Variants in CLTCL1 observed in about 807,000 individuals in gnomAD.
The protein encoded by CLTCL1 is clathrin heavy chain 2.
A neutral mutation model predicts 190.0 loss-of-function variants in CLTCL1; 159 were observed. That is an observed-to-expected ratio of 0.84 (90% CI 0.74 to 0.95). The LOEUF (loss-of-function observed/expected upper bound fraction) is 0.95, where lower values mean the gene tolerates loss of function less well. Ranked by LOEUF, CLTCL1 falls within the 40% of genes least tolerant of loss-of-function variation. CLTCL1 has a pLI of 0.00. For missense variants in CLTCL1, 1,878 were observed against 2,033.4 expected (o/e 0.92, Z 1.47); for synonymous variants, 752 against 769.6 (o/e 0.98, Z 0.38).
At chr22:19,272,403 C>T (rs566472804) in intron 2 of CLTCL1, among the ~76,000 whole-genome samples, 2 of 152,260 alleles carry the variant, frequency 1.3e-5, no homozygotes, top group East Asian at 1.9e-4. Flanking sequence ...TGGGAGTTCA[C>T]GGCCAGGCAT....
rs2086465206 is a variant in CLTCL1, at chr22:19,247,753, G to GTTTCAC, written c.520-4823_520-4818dup. Among the ~76,000 whole-genome samples the GTTTCAC allele has an allele frequency of 1.3e-5, 2 of 152,036 alleles. 1 individual carries two copies. The highest frequency in any genetic ancestry group is 4.2e-4 in the South Asian group (2 of 4,814). On this transcript the variant is annotated intron_variant, in intron 3 of 32. Coordinates refer to ENST00000427926, the MANE Select transcript of CLTCL1 (RefSeq NM_007098.4). ...TTTTTGTATTTTTAGTAAAGACGGG[G>GTTTCAC]TTTCACCACATTGGCCAGGCTGGTC...
At chr22:19,196,794 A>G (rs2084724528) in intron 24 of CLTCL1, 138 bp from the exon 25 acceptor site, 1 of 919,886 alleles carries the variant, frequency 1.1e-6, no homozygotes, top group Non-Finnish European at 1.6e-6. Flanking sequence ...GAAAACGTGT[A>G]TACATACTGT....
intron 1 of CLTCL1, among the ~76,000 whole-genome samples, chr22:19,282,854 TTTTCTTTC>T (rs374292764): frequency 6.6e-6 from 1 of 151,480 alleles, no homozygotes; most frequent in African/African-American, 2.4e-5. Flanking sequence ...AAGCCAGGTT[TTTTCTTTC>T]TTTCTTTCCT....
intron 9 of CLTCL1, 83 bp downstream of exon 9, chr22:19,233,083 G>T: frequency 7.1e-7 from 1 of 1,416,436 alleles, no homozygotes. Flanking sequence ...TACAAAGAAG[G>T]GTATTTTATA....
At chr22:19,270,033 A>G (rs1555979811) in intron 2 of CLTCL1, among the ~76,000 whole-genome samples, 1 of 152,206 alleles carries the variant, frequency 6.6e-6, no homozygotes, top group South Asian at 2.1e-4. Flanking sequence ...TGATAGCAGC[A>G]ATATTCTTAA....
chr22:19,285,510 G>A (rs2087875848), intron 1 of CLTCL1, among the ~76,000 whole-genome samples: 1 of 152,104 alleles, frequency 6.6e-6, no homozygotes, highest in Non-Finnish European at 1.5e-5. Flanking sequence ...CAGTGCACAA[G>A]ACTCTATATT....
intron 18 of CLTCL1, among the ~76,000 whole-genome samples, chr22:19,217,462 A>G (rs2145718478): frequency 6.6e-6 from 1 of 152,080 alleles, no homozygotes; most frequent in South Asian, 2.1e-4. Context: ...TAAAAATACA[A>G]AAAAGTAGCC....
At chr22:19,190,569 C>G (rs1253338545) in intron 27 of CLTCL1, among the ~76,000 whole-genome samples, 1 of 140,626 alleles carries the variant, frequency 7.1e-6, no homozygotes, top group East Asian at 2.1e-4. Flanking sequence ...ACTGCACTCC[C>G]ACCTGGGCAA....
At chr22:19,216,679 C>T (rs1266291749) in intron 18 of CLTCL1, among the ~76,000 whole-genome samples, 3 of 152,190 alleles carry the variant, frequency 2.0e-5, no homozygotes, top group Non-Finnish European at 4.4e-5. Context: ...AGCTGTGGAG[C>T]CACGTGCCTT....
At chr22:19,193,427 G>C (rs949053382) in intron 26 of CLTCL1, among the ~76,000 whole-genome samples, 1 of 152,120 alleles carries the variant, frequency 6.6e-6, no homozygotes, top group African/African-American at 2.4e-5. Context: ...CCTCTGGAGC[G>C]TCCTCCAGAT....
chr22:19,216,183 G>A lies in CLTCL1; in HGVS notation c.2993C>T (p.Ala998Val). Reference sequence around the variant, plus strand: ...TTCAATCAGTTCATTAGGCAGGTCGGCTGTCATAAAGGCTTTGACAGTGAC... The same window carrying A: ...TTCAATCAGTTCATTAGGCAGGTCGACTGTCATAAAGGCTTTGACAGTGAC... Reference protein sequence around the residue: ...ISVTVKAFMTADLPNELIELL... With the variant: ...ISVTVKAFMTVDLPNELIELL... Residue 998 changes from alanine to valine, a missense_variant, in exon 19 of 33, where the codon GCC (alanine) becomes GTC (valine). By Grantham distance (64) the Ala-to-Val change is moderately conservative (BLOSUM62 0). Transcript: ENST00000427926. 6.2e-7 allele frequency: 1 copy of A among 1,613,688 alleles called. No individual in the cohort carries two copies. Among genetic ancestry groups the A allele is most frequent in the Non-Finnish European group, 8.5e-7 (1 of 1,179,584 alleles).
chr22:19,277,056 A>G (rs188783750), intron 1 of CLTCL1, among the ~76,000 whole-genome samples: 3 of 152,322 alleles, frequency 2.0e-5, no homozygotes, highest in African/African-American at 4.8e-5. Flanking sequence ...TACCTTGTGT[A>G]ACCTTGAAGA....
At chr22:19,186,798 A>C (rs2084330300) in intron 29 of CLTCL1, among the ~76,000 whole-genome samples, 1 of 152,014 alleles carries the variant, frequency 6.6e-6, no homozygotes, top group Admixed American at 6.6e-5. Context: ...ATAGGGTTTC[A>C]CCATATTGGC....
intron 2 of CLTCL1, among the ~76,000 whole-genome samples, chr22:19,275,216 G>A (rs147818133): frequency 6.6e-6 from 1 of 152,274 alleles, no homozygotes; most frequent in Non-Finnish European, 1.5e-5. Flanking sequence ...TTAATTATCA[G>A]CTCCTCTATC....
intron 9 of CLTCL1, chr22:19,232,834 C>T (rs2085957884): frequency 3.2e-6 from 2 of 622,330 alleles, no homozygotes; most frequent in South Asian, 4.6e-5. Context: ...GTTTCCTGAT[C>T]TGTGTGCAAA....
intron 2 of CLTCL1, among the ~76,000 whole-genome samples, chr22:19,268,518 C>T (rs2087196282): frequency 6.6e-6 from 1 of 150,964 alleles, no homozygotes; most frequent in Non-Finnish European, 1.5e-5. Context: ...ATGGACAACA[C>T]AATTAAGAAC....
intron 28 of CLTCL1, 57 bp from the exon 29 acceptor site, chr22:19,187,785 G>A: frequency 1.3e-6 from 2 of 1,562,698 alleles, no homozygotes; most frequent in Non-Finnish European, 1.8e-6. Flanking sequence ...GCCTACACAT[G>A]GAGCAGGCAC....
rs1333612136 is a variant in CLTCL1, at chr22:19,234,638, G to A, written c.1038C>T (p.Asp346=). 1 of 1,613,980 alleles carries A rather than the reference G, an allele frequency of 6.2e-7. No individual in the cohort carries two copies. Among genetic ancestry groups the A allele is most frequent in the South Asian group, 1.1e-5 (1 of 91,078 alleles). Residue 346 remains aspartate, a synonymous_variant, in exon 7 of 33, where the codon GAC becomes GAT. Coordinates refer to ENST00000427926, the MANE Select transcript of CLTCL1 (RefSeq NM_007098.4). ...TACGAACGGCCAAACGCAGACCAAGGTCTGGATTCTGAAGCACGTTGGTTG... is the reference window on the plus strand; with the variant it reads ...TACGAACGGCCAAACGCAGACCAAGATCTGGATTCTGAAGCACGTTGGTTG... ...NYATNVLQNP[D]LGLRLAVRSN...
chr22:19,277,459 T>C (rs2087555544), intron 1 of CLTCL1, among the ~76,000 whole-genome samples: 2 of 152,154 alleles, frequency 1.3e-5, no homozygotes, highest in Admixed American at 1.3e-4. Context: ...ACAGAAAAGA[T>C]AAACTAAGTG....
Sources: allele counts gnomAD v4.1 joint callset (sites outside exome capture counted in the v4.1 genomes callset), GRCh38; gene constraint gnomAD v4.1.1; transcripts MANE v1.5; gene names NCBI Gene and HGNC (gene_info 2026-07-23, HGNC 2026-07-21).